PDE1C: variants seen among roughly 807,000 people sequenced by gnomAD.
PDE1C encodes phosphodiesterase 1C.
A neutral mutation model predicts 93.1 loss-of-function variants in PDE1C; 62 were observed. The observed-to-expected ratio is 0.67, with a 90% CI of 0.54 to 0.82. PDE1C has a LOEUF of 0.82. PDE1C is among the 40% of genes least tolerant of loss of function. The pLI, the probability that PDE1C is intolerant of heterozygous loss-of-function variation, is 0.00. For synonymous variants in PDE1C, 325 were observed against 310.1 expected (o/e 1.05, Z -0.50); for missense variants, 742 against 884.6 (o/e 0.84, Z 2.04).
At chr7:31,878,816 T>C (rs1223787885) in intron 4 of PDE1C, among the ~76,000 whole-genome samples, 180 bp downstream of exon 4, 1 of 152,220 alleles carries the variant, frequency 6.6e-6, no homozygotes, top group Non-Finnish European at 1.5e-5. Context: ...TTCCTAATGA[T>C]GCTACAGAGA....
At chr7:32,075,844 C>T (rs188864154), upstream of PDE1C, among the ~76,000 whole-genome samples, 82 of 152,274 alleles carry the variant, frequency 5.4e-4, 1 homozygote, top group African/African-American at 1.9e-3. Context: ...GAGAAGCTTA[C>T]ATAATCCTTC....
intron 3 of PDE1C, among the ~76,000 whole-genome samples, chr7:32,124,188 G>A (rs1479147557): frequency 6.6e-6 from 1 of 152,160 alleles, no homozygotes; most frequent in Non-Finnish European, 1.5e-5. Context: ...ACAAACCACT[G>A]CTCAAGGAAA....
intron 9 of PDE1C, among the ~76,000 whole-genome samples, chr7:31,838,409 A>G (rs1450211229): frequency 6.6e-6 from 1 of 152,176 alleles, no homozygotes; most frequent in Non-Finnish European, 1.5e-5. Context: ...AGAAAAATTG[A>G]GCTTATAGTA....
intron 17 of PDE1C, among the ~76,000 whole-genome samples, chr7:31,754,384 G>A (rs140583261): frequency 1.3e-5 from 2 of 152,224 alleles, no homozygotes; most frequent in Admixed American, 6.5e-5. Context: ...GTGCATCCTA[G>A]GTATTTACCC....
At chr7:32,023,534 T>C (rs190908510) in intron 2 of PDE1C, among the ~76,000 whole-genome samples, 4 of 152,172 alleles carry the variant, frequency 2.6e-5, no homozygotes, top group Admixed American at 2.0e-4. Context: ...CCAAACATCC[T>C]TCAGGGCATG....
intron 1 of PDE1C, among the ~76,000 whole-genome samples, chr7:32,257,396 G>A (rs2128878750): frequency 6.6e-6 from 1 of 152,234 alleles, no homozygotes; most frequent in South Asian, 2.1e-4. Context: ...GATGTCCCAG[G>A]AACCAACTCC....
intron 3 of PDE1C, among the ~76,000 whole-genome samples, chr7:32,087,908 G>A (rs1797209167): frequency 6.6e-6 from 1 of 151,420 alleles, no homozygotes; most frequent in Non-Finnish European, 1.5e-5. Flanking sequence ...GCTAAATGAC[G>A]AGTTAATGGG....
At chr7:31,754,889 A>C (rs1322334019) in intron 17 of PDE1C, among the ~76,000 whole-genome samples, 1 of 152,244 alleles carries the variant, frequency 6.6e-6, no homozygotes, top group Non-Finnish European at 1.5e-5. Context: ...ATGTATGCAA[A>C]TAAAAAAACT....
intron 2 of PDE1C, among the ~76,000 whole-genome samples, chr7:32,046,371 C>A (rs1161058961): frequency 6.6e-6 from 1 of 152,146 alleles, no homozygotes; most frequent in Non-Finnish European, 1.5e-5. Flanking sequence ...ACTGGAGGCT[C>A]ACTTTATAAT....
rs562794167 is a variant in PDE1C, at chr7:32,406,757, C to G, written c.310+21065G>C. Among the ~76,000 whole-genome samples the G allele has an allele frequency of 3.1e-4, 47 of 152,186 alleles. 1 individual carries two copies. The East Asian group carries it at 8.3e-3, about 27-fold the overall frequency. Reference sequence around the variant, plus strand: ...AAACCCTGCATGGTATGGATGTGACCTGGATGGAAAATGGAAATGAAGAGC... The same window carrying G: ...AAACCCTGCATGGTATGGATGTGACGTGGATGGAAAATGGAAATGAAGAGC... On this transcript the variant is annotated intron_variant, in intron 1 of 1. Coordinates refer to the PDE1C transcript ENST00000672256.
chr7:32,186,847 G>A (rs1017793752), intron 2 of PDE1C, among the ~76,000 whole-genome samples: 11 of 152,022 alleles, frequency 7.2e-5, no homozygotes, highest in East Asian at 1.9e-4. Flanking sequence ...AGCATAGCAC[G>A]CAAGATCTAT....
At chr7:32,034,942 C>T (rs575998845) in intron 2 of PDE1C, among the ~76,000 whole-genome samples, 3 of 152,118 alleles carry the variant, frequency 2.0e-5, no homozygotes, top group Non-Finnish European at 4.4e-5. Context: ...GTGCCAAGGA[C>T]ATGATTATCA....
chr7:32,228,131 G>A (rs1024641736), intron 1 of PDE1C, among the ~76,000 whole-genome samples: 1 of 152,228 alleles, frequency 6.6e-6, no homozygotes, highest in African/African-American at 2.4e-5. Context: ...AGGCTTCAAG[G>A]TAGTTTGTTA....
chr7:32,120,582 G>C (rs1799241259), intron 3 of PDE1C, among the ~76,000 whole-genome samples: 2 of 152,102 alleles, frequency 1.3e-5, no homozygotes, highest in East Asian at 3.9e-4. Flanking sequence ...AGGCACAGGG[G>C]TGAACCAGAT....
At chr7:32,401,139 G>C (rs576088635) in intron 1 of PDE1C, among the ~76,000 whole-genome samples, 4 of 152,292 alleles carry the variant, frequency 2.6e-5, no homozygotes, top group African/African-American at 9.6e-5. Flanking sequence ...AAAATATTTT[G>C]ATATGTACTT....
rs546793291 is a variant in PDE1C at position 32,104,229 on chromosome 7, T to C, written c.308+65556A>G. On this transcript the variant is annotated intron_variant, in intron 3 of 18. Coordinates refer to the PDE1C transcript ENST00000396193. The stretch of plus-strand genomic sequence containing the variant: ...ATAGGACACACATCAAGGTACAACA[T>C]CATGAAAGTTCGGACCAGAACTAGA... Among the ~76,000 whole-genome samples, 27 of 152,248 alleles carry C rather than the reference T, an allele frequency of 1.8e-4. 1 individual carries two copies. Among genetic ancestry groups the C allele is most frequent in the South Asian group, 1.0e-3 (5 of 4,822 alleles).
chr7:31,772,547 T>C (rs1795562882), intron 17 of PDE1C, among the ~76,000 whole-genome samples: 1 of 151,826 alleles, frequency 6.6e-6, no homozygotes, highest in Non-Finnish European at 1.5e-5. Flanking sequence ...GTTGTTTGTC[T>C]CTGGCACCAG....
chr7:32,387,479 A>G (rs898638005), intron 1 of PDE1C, among the ~76,000 whole-genome samples: 16 of 150,066 alleles, frequency 1.1e-4, no homozygotes, highest in Non-Finnish European at 1.6e-4. Context: ...CACCTCCTGG[A>G]TAGGGCGGCT....
chr7:32,079,501 T>C (rs2128735059), intron 3 of PDE1C, among the ~76,000 whole-genome samples: 1 of 152,328 alleles, frequency 6.6e-6, no homozygotes, highest in East Asian at 1.9e-4. Flanking sequence ...TCTCTCATGA[T>C]CCTGTGGGTT....
Sources: allele counts gnomAD v4.1 joint callset (sites outside exome capture counted in the v4.1 genomes callset), GRCh38; gene constraint gnomAD v4.1.1; transcripts MANE v1.5; gene names NCBI Gene and HGNC (gene_info 2026-07-23, HGNC 2026-07-21).